ATP2B4: variants seen among roughly 807,000 people sequenced by gnomAD.
ATP2B4 encodes plasma membrane calcium-transporting ATPase 4.
ATP2B4 carries 39 observed loss-of-function variants against 110.3 expected under a neutral mutation model. The ratio of observed to expected loss-of-function variants is 0.35; its 90% CI spans 0.27 to 0.46. The LOEUF (loss-of-function observed/expected upper bound fraction) is 0.46, where lower values mean the gene tolerates loss of function less well. ATP2B4 is among the 20% of genes least tolerant of loss of function. The pLI is 1.00. For missense variants in ATP2B4, 1,135 were observed against 1,530.9 expected (o/e 0.74, Z 4.32); for synonymous variants, 538 against 571.7 (o/e 0.94, Z 0.84).
At chr1:203,694,798 A>T (rs1206525193) in intron 2 of ATP2B4, among the ~76,000 whole-genome samples, 1 of 152,184 alleles carries the variant, frequency 6.6e-6, no homozygotes, top group East Asian at 1.9e-4. Context: ...GGTGGAGGCA[A>T]GGAGACCAGT....
At chr1:203,734,962 T>G (rs1429232331) in intron 20 of ATP2B4, among the ~76,000 whole-genome samples, 1 of 118,564 alleles carries the variant, frequency 8.4e-6, no homozygotes, top group Non-Finnish European at 1.6e-5. Context: ...CAAGATGCTC[T>G]ACTGCACTCC....
chr1:203,700,945 A>T (rs771537785), intron 6 of ATP2B4, 22 bp downstream of exon 6: 1 of 1,607,380 alleles, frequency 6.2e-7, no homozygotes, highest in Admixed American at 1.7e-5. Flanking sequence ...CTGGAATGAG[A>T]TTCTCTTTCC....
rs1197620974 is a variant in ATP2B4 at position 203,706,936 on chromosome 1, G to A, written c.1100-73G>A. ...ATTGGCAACAAAGGCTACAACTGAT[G>A]CCAATCTATCTCTGGCTAGGGCCCT... is the stretch of plus-strand genomic sequence containing the variant. On this transcript the variant is annotated intron_variant, in intron 8 of 20. Transcript: ENST00000357681. 1.4e-5 allele frequency: 19 copies of A among 1,311,648 alleles called. 1 individual carries two copies. In the Middle Eastern group the frequency reaches 9.4e-4, roughly 65 times the overall value. 81.3% of individuals were successfully genotyped at this position (1,311,648 alleles called of 1,614,324 possible).
At chr1:203,630,252 G>A (rs867771112) in intron 1 of ATP2B4, among the ~76,000 whole-genome samples, 1 of 152,048 alleles carries the variant, frequency 6.6e-6, no homozygotes, top group Non-Finnish European at 1.5e-5. Flanking sequence ...CGGGGTCTGG[G>A]CTGCTCCCTG....
chr1:203,643,974 GTGTGGTGGCTCA>G (rs1246553354), intron 1 of ATP2B4, among the ~76,000 whole-genome samples: 1 of 152,182 alleles, frequency 6.6e-6, no homozygotes, highest in East Asian at 1.9e-4. Context: ...GATGGGCCGG[GTGTGGTGGCTCA>G]TGTTTGTAAT....
chr1:203,709,555 G>T lies in ATP2B4; in HGVS notation c.1799+13G>T. ...TCATCTTGCGCAAGTGAGCACCCCC[G>T]ACCACTCTGCTTCCCTTCAAGATCC... On this transcript the variant is annotated intron_variant, in intron 11 of 20. Transcript: ENST00000357681. The T allele has an allele frequency of 6.2e-7, 1 of 1,613,770 alleles. No homozygotes were observed. Among genetic ancestry groups the T allele is most frequent in the South Asian group, 1.1e-5 (1 of 91,056 alleles).
chr1:203,636,678 A>G (rs1663448924), intron 1 of ATP2B4, among the ~76,000 whole-genome samples: 1 of 152,206 alleles, frequency 6.6e-6, no homozygotes, highest in African/African-American at 2.4e-5. Flanking sequence ...TGATTGAAGC[A>G]GGGGATATCT....
At chr1:203,720,449 C>T (rs1666287135) in intron 15 of ATP2B4, 100 bp from the exon 16 acceptor site, 20 of 1,173,142 alleles carry the variant, frequency 1.7e-5, no homozygotes. Flanking sequence ...CTAGTGTGCC[C>T]TGTAGTATTT....
In ATP2B4 at chr1:203,627,191, A is replaced by G. The variant is rs1016142143; in HGVS notation, c.-493A>G. The G allele has an allele frequency of 3.3e-5, 5 of 152,256 alleles. No individual in the cohort carries two copies. Among genetic ancestry groups the G allele is most frequent in the African/African-American group, 4.8e-5 (2 of 41,472 alleles). The allele number at this position is 152,256 out of a possible 1,614,324, so 9.4% of individuals were successfully genotyped here. ...AACCCGGAGGGAGAGTCCCGCCTGA[A>G]GAAACCTGGATCTTTGCTAGAAAGA... On this transcript the variant is annotated 5_prime_UTR_variant, in exon 1 of 21. Transcript: ENST00000357681.
chr1:203,721,567 A>G (rs891944268), intron 17 of ATP2B4, among the ~76,000 whole-genome samples, 157 bp downstream of exon 17: 1 of 151,576 alleles, frequency 6.6e-6, no homozygotes, highest in Non-Finnish European at 1.5e-5. Context: ...TTATGCTACT[A>G]TATGTACTCA....
intron 1 of ATP2B4, among the ~76,000 whole-genome samples, chr1:203,634,725 A>C (rs1212534813): frequency 6.6e-6 from 1 of 151,824 alleles, no homozygotes; most frequent in East Asian, 1.9e-4. Context: ...GTGCAGTGGC[A>C]CAATCACAAC....
intron 1 of ATP2B4, among the ~76,000 whole-genome samples, chr1:203,633,283 G>A (rs992218248): frequency 7.9e-5 from 12 of 152,284 alleles, no homozygotes; most frequent in Middle Eastern, 3.4e-3. Flanking sequence ...GAGGAGCAGG[G>A]AGGGAAAACT....
Position 203,683,026 on chromosome 1 carries a change from T to C in ATP2B4, c.-180T>C. The C allele has an allele frequency of 1.7e-6, 1 of 598,760 alleles. No individual in the cohort carries two copies. Among genetic ancestry groups the C allele is most frequent in the South Asian group, 2.5e-5 (1 of 40,340 alleles). 37.1% of individuals were successfully genotyped at this position (598,760 alleles called of 1,614,324 possible). On this transcript the variant is annotated 5_prime_UTR_variant, in exon 2 of 21. Transcript: ENST00000357681. ...CAGACTTCATACGGAAGAAAGGATCTAGACTTCGGACGGCTACTCGGGAGC... is the reference window on the plus strand; with the variant it reads ...CAGACTTCATACGGAAGAAAGGATCCAGACTTCGGACGGCTACTCGGGAGC...
chr1:203,642,033 G>C (rs1663647165), intron 1 of ATP2B4, among the ~76,000 whole-genome samples: 1 of 151,946 alleles, frequency 6.6e-6, no homozygotes, highest in African/African-American at 2.4e-5. Flanking sequence ...TAACCCTCTG[G>C]GCGTGCTTCT....
intron 1 of ATP2B4, among the ~76,000 whole-genome samples, chr1:203,655,546 T>C (rs1304075442): frequency 6.6e-6 from 1 of 152,064 alleles, no homozygotes; most frequent in Non-Finnish European, 1.5e-5. Context: ...CTTGGAAGGC[T>C]GAGGCAGGAG....
At chr1:203,655,986 C>T (rs151321187) in intron 1 of ATP2B4, among the ~76,000 whole-genome samples, 64 of 152,100 alleles carry the variant, frequency 4.2e-4, no homozygotes, top group African/African-American at 1.4e-3. Flanking sequence ...CTCACTGCAA[C>T]CTTCGCCTCC....
intron 1 of ATP2B4, among the ~76,000 whole-genome samples, chr1:203,666,747 A>G (rs199625490): frequency 5.4e-4 from 82 of 152,138 alleles, no homozygotes; most frequent in East Asian, 1.5e-3. Context: ...TCCTTTTGCC[A>G]TATCCCCCTC....
intron 19 of ATP2B4, among the ~76,000 whole-genome samples, chr1:203,726,678 C>T (rs1666529875): frequency 6.6e-6 from 1 of 152,164 alleles, no homozygotes; most frequent in Admixed American, 6.5e-5. Flanking sequence ...CTCTTCCCCA[C>T]ATGAGCCCTG....
intron 19 of ATP2B4, 87 bp downstream of exon 19, chr1:203,724,075 A>C: frequency 8.3e-6 from 9 of 1,090,228 alleles, no homozygotes; most frequent in South Asian, 5.3e-5. Flanking sequence ...AACGGTGGAG[A>C]CCCCCCAGCT....
Sources: gnomAD v4.1 joint callset for allele counts (sites outside exome capture counted in the v4.1 genomes callset) on GRCh38, gnomAD v4.1.1 for gene constraint, MANE v1.5 for transcripts, NCBI Gene and HGNC (gene_info 2026-07-23, HGNC 2026-07-21) for gene names.